Variants in HELLS observed in about 807,000 individuals in gnomAD.
The protein encoded by HELLS is lymphoid-specific helicase.
HELLS carries 32 observed loss-of-function variants against 120.0 expected under a neutral mutation model. The observed-to-expected ratio is 0.27, with a 90% confidence interval of 0.20 to 0.36. HELLS has a LOEUF of 0.36. HELLS is among the 10% of genes least tolerant of loss of function. HELLS has a pLI of 1.00. For synonymous variants in HELLS, 341 were observed against 323.4 expected, an observed-to-expected ratio of 1.05 and a Z score of -0.58; for missense variants, 650 against 993.4, an observed-to-expected ratio of 0.65 and a Z score of 4.65.
Position 94,601,650 on chromosome 10 carries a change from G to A in HELLS, c.*28G>A. 3.3e-6 allele frequency: 4 copies of A among 1,215,208 alleles called. No individual in the cohort carries two copies. Among genetic ancestry groups the A allele is most frequent in the South Asian group, 2.6e-5 (2 of 76,198 alleles). The allele number at this position is 1,215,208 out of a possible 1,614,324, so 75.3% of individuals were successfully genotyped here. ...TGGAGCTCAAGAATAGCTTTTAAAA[G>A]TTCTTATTTACATCTAGTGATTTCC... is the stretch of plus-strand genomic sequence containing the variant. On this transcript the variant is annotated 3_prime_UTR_variant, in exon 22 of 22. Transcript: ENST00000348459.
intron 6 of HELLS, among the ~76,000 whole-genome samples, chr10:94,567,878 C>A (rs985376489): frequency 6.7e-6 from 1 of 148,822 alleles, no homozygotes; most frequent in Non-Finnish European, 1.5e-5. Context: ...CACTGCACTG[C>A]AGCATGGGCA....
chr10:94,557,673 A>C (rs1296103790), intron 3 of HELLS, among the ~76,000 whole-genome samples: 3 of 152,182 alleles, frequency 2.0e-5, no homozygotes, highest in Non-Finnish European at 4.4e-5. Flanking sequence ...ACTCAGCCTG[A>C]GAGAGAGATA....
intron 1 of HELLS, 28 bp downstream of exon 1, chr10:94,545,980 G>C: frequency 6.4e-7 from 1 of 1,553,876 alleles, no homozygotes; most frequent in Non-Finnish European, 8.7e-7. Flanking sequence ...TTTGGGCGCG[G>C]GTGGCAGCCT....
intron 18 of HELLS, 71 bp from the exon 19 acceptor site, chr10:94,594,624 C>A: frequency 8.5e-7 from 1 of 1,176,038 alleles, no homozygotes; most frequent in Non-Finnish European, 1.2e-6. Flanking sequence ...TTCATGTTGA[C>A]TTTATCCACA....
At chr10:94,576,570 AT>A (rs1844496097) in intron 9 of HELLS, 91 bp from the exon 10 acceptor site, 2 of 660,244 alleles carry the variant, frequency 3.0e-6, no homozygotes, top group East Asian at 3.1e-5. Flanking sequence ...TTAAAATTAT[AT>A]TTTTTCCCTC....
At chr10:94,554,642 GTGTTTTTTTTTT>G (rs950300607) in intron 3 of HELLS, among the ~76,000 whole-genome samples, 4 of 135,918 alleles carry the variant, frequency 2.9e-5, no homozygotes, top group East Asian at 2.4e-4. Context: ...CAAAGTAATA[GTGTTTTTTTTTT>G]TGTTTTTTTT....
At chr10:94,594,644 G>GTTAATTTTAACC in intron 18 of HELLS, 51 bp from the exon 19 acceptor site, 1 of 1,395,340 alleles carries the variant, frequency 7.2e-7, no homozygotes, top group South Asian at 1.4e-5. Context: ...ATGAGTTTAT[G>GTTAATTTTAACC]TTAATTTTAA....
chr10:94,596,918 G>C lies in HELLS; in HGVS notation c.2307G>C (p.Lys769Asn). The change falls in exon 20 of 22, where the codon AAG (lysine) becomes AAC (asparagine). Residue 769 changes from lysine (K) to asparagine (N), a missense_variant. Transcript: ENST00000348459. ...LNLSKNFLDP[K>N]ELMELLKSRD... ...TGTCTAAGAATTTCTTAGATCCTAA[G>C]GAATTAATGGAATTATTAAAATCTA... The C allele has an allele frequency of 9.9e-6, 15 of 1,507,784 alleles. No homozygotes were observed. The highest frequency in any genetic ancestry group is 1.4e-5 in the Non-Finnish European group (15 of 1,084,948). The allele number at this position is 1,507,784 out of a possible 1,614,324, so 93.4% of individuals were successfully genotyped here.
chr10:94,594,468 C>A (rs969364051), intron 18 of HELLS, among the ~76,000 whole-genome samples: 19 of 152,116 alleles, frequency 1.2e-4, no homozygotes, highest in African/African-American at 3.6e-4. Context: ...AGTGAGTCAT[C>A]GTGCCCATCC....
At chr10:94,578,874 A>G (rs755178924) in intron 10 of HELLS, among the ~76,000 whole-genome samples, 15 of 152,162 alleles carry the variant, frequency 9.9e-5, no homozygotes, top group Non-Finnish European at 1.8e-4. Context: ...TCATGCTCCT[A>G]TGAGAATATA....
At chr10:94,581,136 A>G (rs1393679732) in intron 10 of HELLS, among the ~76,000 whole-genome samples, 190 bp from the exon 11 acceptor site, 1 of 152,196 alleles carries the variant, frequency 6.6e-6, no homozygotes, top group African/African-American at 2.4e-5. Flanking sequence ...CAGGAACAGA[A>G]ATATCTATCA....
chr10:94,574,407 GTGT>G, intron 8 of HELLS, 144 bp from the exon 9 acceptor site: 2 of 723,550 alleles, frequency 2.8e-6, no homozygotes, highest in Non-Finnish European at 4.5e-6. Flanking sequence ...GGACTTTCCA[GTGT>G]TGTTATAATT....
chr10:94,606,788 C>G (rs983165857), downstream of HELLS, among the ~76,000 whole-genome samples: 1 of 152,124 alleles, frequency 6.6e-6, no homozygotes, highest in African/African-American at 2.4e-5. Context: ...ATTTACTGTT[C>G]CTCAAATTTA....
At chr10:94,556,262 A>C (rs889557903) in intron 3 of HELLS, among the ~76,000 whole-genome samples, 30 of 152,150 alleles carry the variant, frequency 2.0e-4, no homozygotes, top group Admixed American at 3.3e-4. Context: ...GGGTCACAGA[A>C]GTCTTTTGTG....
Position 94,592,476 on chromosome 10 carries a change from C to T in HELLS, c.1933C>T (p.Leu645Phe). 1 of 1,574,962 alleles carries T rather than the reference C, an allele frequency of 6.3e-7. No homozygotes were observed. Among genetic ancestry groups the T allele is most frequent in the Non-Finnish European group, 8.6e-7 (1 of 1,165,226 alleles). ...TCTCAGAGATTTCAACTTCAGCAGG[C>T]TTGATGGGTCCATGTCTTACTCAGA... The part of the protein sequence containing the change: ...CHLRDFNFSR[L>F]DGSMSYSERE... The change falls in exon 17 of 22, where the codon CTT becomes TTT. Residue 645 changes from leucine (L) to phenylalanine (F), a missense_variant. Physicochemically the swap from Leu to Phe is conservative, Grantham distance 22. This residue lies in a region of HELLS where 191 missense variants were observed against 259.7 expected (regional missense o/e 0.74). Coordinates refer to ENST00000348459, the MANE Select transcript of HELLS (RefSeq NM_018063.5).
At chr10:94,582,262 C>T (rs568280210) in intron 11 of HELLS, among the ~76,000 whole-genome samples, 2 of 152,242 alleles carry the variant, frequency 1.3e-5, no homozygotes, top group East Asian at 3.9e-4. Context: ...CTTATTGTGA[C>T]TCTGGGCGCT....
intron 2 of HELLS, among the ~76,000 whole-genome samples, chr10:94,550,352 C>T (rs1842923454): frequency 6.6e-6 from 1 of 152,196 alleles, no homozygotes; most frequent in Non-Finnish European, 1.5e-5. Context: ...GATCTTGGCT[C>T]ACTGCGACCT....
intron 2 of HELLS, among the ~76,000 whole-genome samples, chr10:94,547,173 C>T (rs1042639937): frequency 6.6e-6 from 1 of 152,114 alleles, no homozygotes; most frequent in East Asian, 1.9e-4. Context: ...AAAGCCCCAC[C>T]CTGCTGCTTG....
Position 94,590,422 on chromosome 10 carries a change from A to C in HELLS, c.1498A>C (p.Ile500Leu), listed in dbSNP as rs775124872. The change falls in exon 14 of 22, where the codon ATT (isoleucine) becomes CTT (leucine). Residue 500 changes from isoleucine to leucine, a missense_variant. Ile to Leu is a conservative substitution (Grantham distance 5). Coordinates refer to ENST00000348459, the MANE Select transcript of HELLS (RefSeq NM_018063.5). ...ATTCGTTCCCTTTTAGAAAGAAACA[A>C]TTGAGTTAAGTCCTACTGGTCGACC... ...NMFGSSEKET[I>L]ELSPTGRPKR... The C allele has an allele frequency of 1.2e-6, 2 of 1,600,280 alleles. No homozygotes were observed. Among genetic ancestry groups the C allele is most frequent in the African/African-American group, 2.7e-5 (2 of 73,836 alleles).
Sources: gnomAD v4.1 joint callset for allele counts (sites outside exome capture counted in the v4.1 genomes callset) on GRCh38, gnomAD v4.1.1 for gene constraint, gnomAD v4.1.1 regional missense constraint, MANE v1.5 for transcripts, NCBI Gene and HGNC (gene_info 2026-07-23, HGNC 2026-07-21) for gene names.